The following CNTN4 variants were observed in gnomAD, a reference collection of about 807,000 sequenced individuals.
CNTN4 encodes the protein contactin-4.
CNTN4 carries 77 observed loss-of-function variants against 122.5 expected under a neutral mutation model. The ratio of observed to expected loss-of-function variants is 0.63; its 90% CI spans 0.52 to 0.76. The LOEUF is 0.76. Ranked by LOEUF, CNTN4 falls within the 30% of genes least tolerant of loss-of-function variation. The pLI is 0.00. For synonymous variants in CNTN4, 512 were observed against 447.0 expected, an observed-to-expected ratio of 1.15 and a Z score of -1.83; for missense variants, 1,256 against 1,259.1, an observed-to-expected ratio of 1.00 and a Z score of 0.04.
intron 2 of CNTN4, among the ~76,000 whole-genome samples, chr3:2,130,337 T>G (rs2034392016): frequency 6.6e-6 from 1 of 152,164 alleles, no homozygotes; most frequent in South Asian, 2.1e-4. Flanking sequence ...AGTCCCAAGA[T>G]GGGATTCTAA....
chr3:2,502,557 T>G (rs1014618849), intron 3 of CNTN4, among the ~76,000 whole-genome samples: 2 of 152,254 alleles, frequency 1.3e-5, no homozygotes, highest in Non-Finnish European at 2.9e-5. Context: ...GGAACCTTAC[T>G]ACTCTGGCTT....
rs574526449 is a variant in CNTN4 at position 2,577,053 on chromosome 3, A to G, written c.55+5495A>G. ...CCTGTCCTTTGGGAAGTCAATTCTC[A>G]GGCATATTTAACATACTTTCTTAGG... On this transcript the variant is annotated intron_variant, in intron 4 of 24. Coordinates refer to ENST00000418658, the MANE Select transcript of CNTN4 (RefSeq NM_175607.3). Among the ~76,000 whole-genome samples, 5 of 152,326 alleles carry G rather than the reference A, an allele frequency of 3.3e-5. No individual in the cohort carries two copies. The East Asian group carries it at 9.6e-4, about 29-fold the overall frequency.
At chr3:2,197,003 C>G (rs1190845766) in intron 2 of CNTN4, among the ~76,000 whole-genome samples, 1 of 148,954 alleles carries the variant, frequency 6.7e-6, no homozygotes, top group Non-Finnish European at 1.5e-5. Flanking sequence ...CGAGATCATG[C>G]CACTGCAGTC....
At chr3:3,027,881 A>G (rs1698861376) in intron 15 of CNTN4, among the ~76,000 whole-genome samples, 1 of 152,234 alleles carries the variant, frequency 6.6e-6, no homozygotes, top group African/African-American at 2.4e-5. Context: ...TTGTAAAGAC[A>G]GCTGTCCGTA....
At chr3:2,384,410 A>G (rs1295532179) in intron 3 of CNTN4, among the ~76,000 whole-genome samples, 1 of 152,134 alleles carries the variant, frequency 6.6e-6, no homozygotes. Context: ...TACTCGCAGC[A>G]CATAAATCCG....
intron 2 of CNTN4, among the ~76,000 whole-genome samples, chr3:2,116,159 A>G (rs1440905088): frequency 2.0e-5 from 3 of 152,176 alleles, no homozygotes; most frequent in African/African-American, 7.2e-5. Context: ...TTAGAAACAA[A>G]GCATTGCAGG....
At chr3:2,855,334 A>G (rs1156628082) in intron 7 of CNTN4, among the ~76,000 whole-genome samples, 6 of 152,154 alleles carry the variant, frequency 3.9e-5, no homozygotes, top group African/African-American at 1.4e-4. Context: ...CCCAAATCTA[A>G]TTCCACTGAT....
Position 2,212,555 on chromosome 3 carries a change from A to G in CNTN4, c.-145+111916A>G, listed in dbSNP as rs1019935555. On this transcript the variant is annotated intron_variant, in intron 2 of 24. Coordinates refer to ENST00000418658, the MANE Select transcript of CNTN4 (RefSeq NM_175607.3). The stretch of plus-strand genomic sequence containing the variant: ...TCATGAGACTTACTACCACAAAAAC[A>G]GTATGAAGGAAACCAACCCCATGAT... 2.6e-5 allele frequency among the ~76,000 whole-genome samples: 4 copies of G among 152,170 alleles called. 1 individual carries two copies. Among genetic ancestry groups the G allele is most frequent in the African/African-American group, 7.2e-5 (3 of 41,440 alleles).
At chr3:2,300,619 T>C (rs2042470809) in intron 2 of CNTN4, among the ~76,000 whole-genome samples, 1 of 137,886 alleles carries the variant, frequency 7.3e-6, no homozygotes, top group African/African-American at 2.7e-5. Context: ...GTCTCCAGGC[T>C]GGAGTGCAGT....
chr3:2,427,310 T>A (rs2047877433), intron 3 of CNTN4, among the ~76,000 whole-genome samples: 1 of 152,226 alleles, frequency 6.6e-6, no homozygotes, highest in South Asian at 2.1e-4. Context: ...TCTTTATTTC[T>A]GCCTTCATTT....
intron 3 of CNTN4, among the ~76,000 whole-genome samples, chr3:2,366,218 A>T (rs2045370923): frequency 6.6e-6 from 1 of 152,220 alleles, no homozygotes; most frequent in South Asian, 2.1e-4. Context: ...AAGTGAATTT[A>T]TACAGGTAGA....
At chr3:2,422,441 G>A (rs2047651976) in intron 3 of CNTN4, among the ~76,000 whole-genome samples, 2 of 152,122 alleles carry the variant, frequency 1.3e-5, no homozygotes, top group African/African-American at 4.8e-5. Context: ...GAAGCCACAG[G>A]TACCTTCTCA....
chr3:2,611,065 G>C (rs180871125), intron 4 of CNTN4, among the ~76,000 whole-genome samples: 46 of 151,838 alleles, frequency 3.0e-4, no homozygotes, highest in African/African-American at 1.1e-3. Context: ...ATTTGATTCA[G>C]GTGATGACTA....
chr3:2,479,949 C>G (rs1447769250), intron 3 of CNTN4, among the ~76,000 whole-genome samples: 1 of 151,996 alleles, frequency 6.6e-6, no homozygotes, highest in Non-Finnish European at 1.5e-5. Context: ...CATCAGGTAT[C>G]CAAGGGTGGT....
chr3:2,894,740 G>A (rs193086230), intron 10 of CNTN4, among the ~76,000 whole-genome samples: 3 of 152,204 alleles, frequency 2.0e-5, no homozygotes, highest in African/African-American at 7.2e-5. Context: ...AAATGAATCT[G>A]TGTAAGGTTA....
At chr3:2,301,326 T>A (rs2042510319) in intron 2 of CNTN4, among the ~76,000 whole-genome samples, 1 of 152,232 alleles carries the variant, frequency 6.6e-6, no homozygotes, top group Non-Finnish European at 1.5e-5. Flanking sequence ...TCTTAACCAT[T>A]TATTAAACTA....
intron 12 of CNTN4, among the ~76,000 whole-genome samples, chr3:2,924,990 A>G (rs1261742808): frequency 6.6e-6 from 1 of 152,052 alleles, no homozygotes; most frequent in Non-Finnish European, 1.5e-5. Flanking sequence ...TTCCCTTTCA[A>G]TTTTCTGAAA....
intron 7 of CNTN4, among the ~76,000 whole-genome samples, chr3:2,824,877 G>A (rs1165475558): frequency 6.6e-6 from 1 of 152,126 alleles, no homozygotes; most frequent in South Asian, 2.1e-4. Flanking sequence ...TGGCCAGGCT[G>A]ATCTCAAACT....
chr3:2,632,590 G>C (rs1476087571), intron 4 of CNTN4, among the ~76,000 whole-genome samples: 1 of 152,144 alleles, frequency 6.6e-6, no homozygotes, highest in African/African-American at 2.4e-5. Context: ...AGAGAACCCT[G>C]AACAGTATTA....
Sources: gnomAD v4.1 joint callset for allele counts (sites outside exome capture counted in the v4.1 genomes callset) on GRCh38, gnomAD v4.1.1 for gene constraint, MANE v1.5 for transcripts, NCBI Gene and HGNC (gene_info 2026-07-23, HGNC 2026-07-21) for gene names.